RAD18: variants seen among roughly 807,000 people sequenced by gnomAD.
RAD18 encodes the protein E3 ubiquitin-protein ligase RAD18.
A neutral mutation model predicts 60.4 loss-of-function variants in RAD18; 47 were observed. The observed-to-expected ratio is 0.78, with a 90% CI of 0.62 to 0.99. The LOEUF (loss-of-function observed/expected upper bound fraction) is 0.99, where lower values mean the gene tolerates loss of function less well. Ranked by LOEUF, RAD18 falls within the 50% of genes least tolerant of loss-of-function variation. The pLI is 0.00. For synonymous variants in RAD18, 225 were observed against 195.5 expected, an observed-to-expected ratio of 1.15 and a Z score of -1.26; for missense variants, 640 against 593.3, an observed-to-expected ratio of 1.08 and a Z score of -0.82.
chr3:8,908,808 T>C (rs1575540861), intron 9 of RAD18, among the ~76,000 whole-genome samples: 1 of 152,338 alleles, frequency 6.6e-6, no homozygotes, highest in East Asian at 1.9e-4. Context: ...CCTAAAATAC[T>C]AGAAAGATAT....
chr3:8,912,349 T>C lies in RAD18; in HGVS notation c.990A>G (p.Gln330=), dbSNP rs540613480. The C allele has an allele frequency of 2.6e-6, 4 of 1,564,032 alleles. No homozygotes were observed. Among genetic ancestry groups the C allele is most frequent in the East Asian group, 4.7e-5 (2 of 42,646 alleles). The stretch of plus-strand genomic sequence containing the variant: ...GGATTTCATCTATTTCCTTTTCTGT[T>C]TGGTCCTTTGTAAAAACCATTACCT... ...NESVMVFTKD[Q]TEKEIDEIHS... is the part of the protein sequence containing the mutation. Residue 330 remains glutamine, a synonymous_variant, in exon 9 of 13, where the codon CAA becomes CAG. Coordinates refer to ENST00000264926, the MANE Select transcript of RAD18 (RefSeq NM_020165.4).
rs754037839 is a variant in RAD18 at position 8,941,495 on chromosome 3, C to T, written c.576G>A (p.Ser192=). ...PSEAKRPEPP[S]TSTLKQVTKV... is the part of the protein sequence containing the mutation. The stretch of plus-strand genomic sequence containing the variant: ...TAGTAACTTGTTTCAAAGTGGATGT[C>T]GAGGGTGGCTCAGGACGCTTAGCCT... The change falls in exon 5 of 13, where the codon TCG becomes TCA. Residue 192 remains serine (S), a synonymous_variant. Coordinates refer to ENST00000264926, the MANE Select transcript of RAD18 (RefSeq NM_020165.4). The T allele has an allele frequency of 2.5e-6, 4 of 1,611,062 alleles. No homozygotes were observed. The highest frequency in any genetic ancestry group is 1.7e-5 in the Admixed American group (1 of 59,640).
At chr3:8,959,923 T>G (rs569036304) in intron 1 of RAD18, among the ~76,000 whole-genome samples, 1 of 148,436 alleles carries the variant, frequency 6.7e-6, no homozygotes, top group Non-Finnish European at 1.5e-5. Flanking sequence ...CATACTGATA[T>G]GAAAAGATTG....
intron 4 of RAD18, among the ~76,000 whole-genome samples, chr3:8,945,490 T>TTTG (rs869180747): frequency 1.4e-5 from 2 of 142,670 alleles, no homozygotes; most frequent in East Asian, 2.0e-4. Flanking sequence ...TTTTTTTTTT[T>TTTG]GAGACGGAGT....
chr3:8,936,740 G>C (rs142215396), intron 6 of RAD18, among the ~76,000 whole-genome samples: 18 of 152,222 alleles, frequency 1.2e-4, no homozygotes, highest in Non-Finnish European at 2.4e-4. Flanking sequence ...CTCACACAAG[G>C]CTGTCCCAAA....
intron 7 of RAD18, among the ~76,000 whole-genome samples, chr3:8,923,748 G>A (rs1156666662): frequency 6.6e-6 from 1 of 152,096 alleles, no homozygotes; most frequent in Non-Finnish European, 1.5e-5. Context: ...GAAGAAAGTG[G>A]GGGCCAATAT....
At chr3:8,907,027 T>A (rs930514057) in intron 9 of RAD18, among the ~76,000 whole-genome samples, 1 of 152,212 alleles carries the variant, frequency 6.6e-6, no homozygotes, top group Non-Finnish European at 1.5e-5. Flanking sequence ...ATACTCAAGG[T>A]GAACTCTCTG....
intron 7 of RAD18, among the ~76,000 whole-genome samples, chr3:8,925,676 A>T (rs1021873641): frequency 6.6e-6 from 1 of 152,222 alleles, no homozygotes; most frequent in Non-Finnish European, 1.5e-5. Context: ...AATATTGGCA[A>T]ACCGAATCCA....
At chr3:8,908,384 T>A (rs1423285715) in intron 9 of RAD18, among the ~76,000 whole-genome samples, 1 of 151,814 alleles carries the variant, frequency 6.6e-6, no homozygotes, top group African/African-American at 2.4e-5. Flanking sequence ...TGAGCCCTAA[T>A]CCAATATGAC....
chr3:8,939,932 C>T (rs943822268), intron 5 of RAD18, among the ~76,000 whole-genome samples: 1 of 152,148 alleles, frequency 6.6e-6, no homozygotes, highest in African/African-American at 2.4e-5. Flanking sequence ...AAAAATGTTT[C>T]GGTTACATCT....
intron 12 of RAD18, among the ~76,000 whole-genome samples, chr3:8,885,929 T>C (rs1939554737): frequency 6.6e-6 from 1 of 152,200 alleles, no homozygotes; most frequent in Non-Finnish European, 1.5e-5. Flanking sequence ...CAGTCCATGG[T>C]CAGTGGTCTC....
At chr3:8,939,469 T>C (rs1209400746) in intron 6 of RAD18, 85 bp downstream of exon 6, 4 of 1,128,882 alleles carry the variant, frequency 3.5e-6, no homozygotes, top group Non-Finnish European at 5.2e-6. Context: ...GTCACCAGGA[T>C]AAAAGGAATA....
At chr3:8,953,815 C>CT (rs112126286) in intron 2 of RAD18, among the ~76,000 whole-genome samples, 133 of 144,602 alleles carry the variant, frequency 9.2e-4, no homozygotes, top group African/African-American at 1.3e-3. Context: ...GGCCAGCAAT[C>CT]TTTTTTTTTT....
At chr3:8,927,235 A>T (rs1481825631) in intron 7 of RAD18, among the ~76,000 whole-genome samples, 2 of 152,252 alleles carry the variant, frequency 1.3e-5, no homozygotes, top group African/African-American at 4.8e-5. Context: ...CAAACCCATC[A>T]AAAAGTGGGT....
intron 7 of RAD18, among the ~76,000 whole-genome samples, chr3:8,932,588 G>A (rs1444435986): frequency 6.6e-6 from 1 of 152,080 alleles, no homozygotes; most frequent in Admixed American, 6.5e-5. Context: ...AAAACTGTAT[G>A]GCAGGTTCTT....
At chr3:8,892,806 T>A (rs1237374771) in intron 11 of RAD18, among the ~76,000 whole-genome samples, 2 of 152,038 alleles carry the variant, frequency 1.3e-5, no homozygotes, top group Non-Finnish European at 2.9e-5. Flanking sequence ...ACTGGTAATG[T>A]TAGTTAGAGA....
chr3:8,955,688 G>A (rs1013811903), intron 2 of RAD18, among the ~76,000 whole-genome samples: 7 of 152,164 alleles, frequency 4.6e-5, no homozygotes, highest in Non-Finnish European at 1.0e-4. Context: ...CAATACCATG[G>A]ACAGACACAT....
intron 7 of RAD18, among the ~76,000 whole-genome samples, chr3:8,925,162 A>G (rs144699506): frequency 0.036 from 5,471 of 152,242 alleles, 335 homozygotes; most frequent in African/African-American, 0.12. Flanking sequence ...ATAGACTGCT[A>G]GCAAGACTAA....
chr3:8,940,655 TCAAA>T (rs1189281311), intron 5 of RAD18, among the ~76,000 whole-genome samples: 2 of 152,182 alleles, frequency 1.3e-5, no homozygotes, highest in African/African-American at 4.8e-5. Flanking sequence ...GACATATTCA[TCAAA>T]CAGTTAAGCA....
Sources: gnomAD v4.1 joint callset for allele counts (sites outside exome capture counted in the v4.1 genomes callset) on GRCh38, gnomAD v4.1.1 for gene constraint, MANE v1.5 for transcripts, NCBI Gene and HGNC (gene_info 2026-07-23, HGNC 2026-07-21) for gene names.